Variants in DCAF5 observed in about 807,000 individuals in gnomAD.
DCAF5 encodes the protein DDB1 and CUL4 associated factor 5.
Under a neutral mutation model 80.7 loss-of-function variants are expected in DCAF5, and 9 were observed. That is an observed-to-expected ratio of 0.11 (90% CI 0.07 to 0.19). DCAF5 has a LOEUF of 0.19. Ranked by LOEUF, DCAF5 falls within the 10% of genes least tolerant of loss-of-function variation. The pLI is 1.00. For missense variants in DCAF5, 842 were observed against 1,205.7 expected (o/e 0.70, Z 4.47); for synonymous variants, 433 against 461.9 (o/e 0.94, Z 0.80).
intron 6 of DCAF5, chr14:69,090,195 G>A (rs956363196): frequency 6.2e-5 from 49 of 791,664 alleles, no homozygotes; most frequent in Non-Finnish European, 6.4e-5. Flanking sequence ...AGGAAGAGAG[G>A]GAGAGACTTG....
intron 6 of DCAF5, among the ~76,000 whole-genome samples, chr14:69,088,002 C>A (rs993167681): frequency 6.6e-6 from 1 of 152,248 alleles, no homozygotes; most frequent in South Asian, 2.1e-4. Context: ...TATTTTAAAA[C>A]CAAGAGACCT....
In DCAF5 at chr14:69,110,941, GA is replaced by G. The variant is rs201542551; in HGVS notation, c.665+5424del. ...CTGTGTAAAAGTTCTTAATTTTAATGAAATCCAATGTGTCAATTTTTTCTTT... is the reference window on the plus strand; with the variant it reads ...CTGTGTAAAAGTTCTTAATTTTAATGAATCCAATGTGTCAATTTTTTCTTT... On this transcript the variant is annotated intron_variant, in intron 5 of 8. Coordinates refer to ENST00000341516, the MANE Select transcript of DCAF5 (RefSeq NM_003861.3). 1.4e-3 allele frequency among the ~76,000 whole-genome samples: 187 copies of G among 138,016 alleles called. 4 individuals carry two copies. The East Asian group carries it at 0.026, about 19-fold the overall frequency. 90.5% of individuals were successfully genotyped at this position (138,016 alleles called of 152,430 possible). A position where few individuals can be genotyped will look rare whatever the true frequency, so the allele number is the denominator to read the frequency against.
rs528498892 is a variant in DCAF5 at position 69,145,162 on chromosome 14, T to C, written c.214+7603A>G. Reference sequence around the variant, plus strand: ...CCTCCTGTGTAGCTGGGACTAAAGGTGCACGCCACCATACCCAGCTAGTTT... The same window carrying C: ...CCTCCTGTGTAGCTGGGACTAAAGGCGCACGCCACCATACCCAGCTAGTTT... On this transcript the variant is annotated intron_variant, in intron 1 of 8. Coordinates refer to ENST00000341516, the MANE Select transcript of DCAF5 (RefSeq NM_003861.3). Among the ~76,000 whole-genome samples, 4 of 152,210 alleles carry C rather than the reference T, an allele frequency of 2.6e-5. No homozygotes were observed. In the South Asian group the frequency reaches 6.2e-4, roughly 24 times the overall value.
intron 6 of DCAF5, among the ~76,000 whole-genome samples, chr14:69,076,772 T>A (rs1201063789): frequency 6.6e-6 from 1 of 152,232 alleles, no homozygotes; most frequent in Non-Finnish European, 1.5e-5. Flanking sequence ...GTTAAAATGG[T>A]AAATCTCATG....
intron 5 of DCAF5, among the ~76,000 whole-genome samples, chr14:69,106,586 T>C (rs1394473808): frequency 6.6e-6 from 1 of 151,904 alleles, no homozygotes; most frequent in Non-Finnish European, 1.5e-5. Flanking sequence ...TGCCCAGGCA[T>C]GTCTTGAACT....
At chr14:69,145,176 C>T (rs1313665366) in intron 1 of DCAF5, among the ~76,000 whole-genome samples, 2 of 152,136 alleles carry the variant, frequency 1.3e-5, no homozygotes, top group East Asian at 1.9e-4. Context: ...CGCCACCATA[C>T]CCAGCTAGTT....
At position 69,132,204 on chromosome 14, in the gene DCAF5, T is replaced by C. The variant is rs76999509; in HGVS notation, c.215-9844A>G. 2.9e-4 allele frequency among the ~76,000 whole-genome samples: 44 copies of C among 152,308 alleles called. No homozygotes were observed. The East Asian group carries it at 8.1e-3, about 28-fold the overall frequency. ...ATATGGTAATTCTACTTTTAACTTT[T>C]TGAGGAATGCCATACTGTTTTCCAC... is the stretch of plus-strand genomic sequence containing the variant. On this transcript the variant is annotated intron_variant, in intron 1 of 8. Coordinates refer to ENST00000341516, the MANE Select transcript of DCAF5 (RefSeq NM_003861.3).
chr14:69,089,801 A>C (rs987091020), intron 6 of DCAF5: 1 of 467,292 alleles, frequency 2.1e-6, no homozygotes, highest in African/African-American at 2.1e-5. Flanking sequence ...AGGATAACTT[A>C]GGATGATATT....
At chr14:69,114,858 ATGGGAGAGAAT>A (rs2040492982) in intron 5 of DCAF5, among the ~76,000 whole-genome samples, 2 of 152,266 alleles carry the variant, frequency 1.3e-5, no homozygotes, top group African/African-American at 2.4e-5. Flanking sequence ...GTGGAAGAGA[ATGGGAGAGAAT>A]TGGGAGAATT....
intron 1 of DCAF5, among the ~76,000 whole-genome samples, chr14:69,122,593 A>G (rs2040755601): frequency 6.6e-6 from 1 of 152,216 alleles, no homozygotes; most frequent in Non-Finnish European, 1.5e-5. Context: ...AGAAAATGAA[A>G]GGGATAAGCA....
intron 1 of DCAF5, among the ~76,000 whole-genome samples, chr14:69,147,843 T>G (rs2041584487): frequency 6.6e-6 from 1 of 152,214 alleles, no homozygotes; most frequent in African/African-American, 2.4e-5. Flanking sequence ...AATCTCTCAC[T>G]ATAACTCAAA....
At chr14:69,076,635 TGAAGA>T (rs2038910382) in intron 6 of DCAF5, among the ~76,000 whole-genome samples, 1 of 152,102 alleles carries the variant, frequency 6.6e-6, no homozygotes, top group Non-Finnish European at 1.5e-5. Context: ...GGAGGGAGAA[TGAAGA>T]GTTAGCGTTT....
At chr14:69,115,618 T>G (rs2040519382) in intron 5 of DCAF5, among the ~76,000 whole-genome samples, 1 of 152,132 alleles carries the variant, frequency 6.6e-6, no homozygotes, top group Admixed American at 6.6e-5. Context: ...CCATAAAAAG[T>G]AGTCCCTCCC....
At chr14:69,066,496 T>C (rs960859172) in intron 7 of DCAF5, among the ~76,000 whole-genome samples, 2 of 152,160 alleles carry the variant, frequency 1.3e-5, no homozygotes, top group Admixed American at 6.5e-5. Context: ...TATATTAATC[T>C]TTCTTTGATT....
intron 6 of DCAF5, chr14:69,090,699 C>A (rs2039501365): frequency 6.4e-6 from 1 of 157,460 alleles, no homozygotes; most frequent in Non-Finnish European, 1.4e-5. Flanking sequence ...AGAAATTTTT[C>A]TTTTATGCCT....
chr14:69,150,229 A>G (rs2041658536), intron 1 of DCAF5, among the ~76,000 whole-genome samples: 1 of 152,100 alleles, frequency 6.6e-6, no homozygotes, highest in Non-Finnish European at 1.5e-5. Flanking sequence ...GGAAGAACTG[A>G]GCTAGAGGGA....
chr14:69,085,229 C>G (rs1319422126), intron 6 of DCAF5: 1 of 711,856 alleles, frequency 1.4e-6, no homozygotes, highest in Non-Finnish European at 2.6e-6. Context: ...TTCAAGGTGC[C>G]TCCCTTTGTT....
chr14:69,108,404 T>A (rs2040240217), intron 5 of DCAF5, among the ~76,000 whole-genome samples: 1 of 151,166 alleles, frequency 6.6e-6, no homozygotes, highest in Non-Finnish European at 1.5e-5. Context: ...TTTTGGGGGG[T>A]GGTGCAAAGG....
At chr14:69,132,531 GT>G (rs1171445097) in intron 1 of DCAF5, among the ~76,000 whole-genome samples, 1 of 152,134 alleles carries the variant, frequency 6.6e-6, no homozygotes, top group African/African-American at 2.4e-5. Flanking sequence ...AGAGTTTTCT[GT>G]AGTTCATTTA....
Sources: gnomAD v4.1 joint callset for allele counts (sites outside exome capture counted in the v4.1 genomes callset) on GRCh38, gnomAD v4.1.1 for gene constraint, MANE v1.5 for transcripts, NCBI Gene and HGNC (gene_info 2026-07-23, HGNC 2026-07-21) for gene names.